Variants in TMEM132B observed in about 807,000 individuals in gnomAD.
The protein encoded by TMEM132B is transmembrane protein 132B.
A neutral mutation model predicts 90.8 loss-of-function variants in TMEM132B; 18 were observed. The ratio of observed to expected loss-of-function variants is 0.20; its 90% CI spans 0.14 to 0.29. The LOEUF (loss-of-function observed/expected upper bound fraction) is 0.29. Ranked by LOEUF, TMEM132B falls within the 10% of genes least tolerant of loss-of-function variation. TMEM132B has a pLI of 1.00. For synonymous variants in TMEM132B, 504 were observed against 523.3 expected (o/e 0.96, Z 0.50); for missense variants, 1,096 against 1,326.8 (o/e 0.83, Z 2.70).
intron 3 of TMEM132B, among the ~76,000 whole-genome samples, chr12:125,480,747 T>G (rs1566048942): frequency 6.6e-6 from 1 of 152,218 alleles, no homozygotes; most frequent in Non-Finnish European, 1.5e-5. Flanking sequence ...GAATCCTCCC[T>G]AACTCATTTT....
At chr12:125,565,184 C>T (rs1358337567) in intron 4 of TMEM132B, among the ~76,000 whole-genome samples, 3 of 152,190 alleles carry the variant, frequency 2.0e-5, no homozygotes, top group Non-Finnish European at 4.4e-5. Flanking sequence ...GCAGGATTTG[C>T]ACCTGAGGCT....
chr12:125,381,198 C>T (rs1172268604), intron 2 of TMEM132B, among the ~76,000 whole-genome samples: 1 of 152,194 alleles, frequency 6.6e-6, no homozygotes, highest in Non-Finnish European at 1.5e-5. Context: ...CACCTTTCAA[C>T]CTGCTGGTGG....
intron 4 of TMEM132B, among the ~76,000 whole-genome samples, chr12:125,536,481 A>G (rs1338822676): frequency 6.6e-6 from 1 of 152,212 alleles, no homozygotes; most frequent in Non-Finnish European, 1.5e-5. Flanking sequence ...TCACTCGCCA[A>G]CACTGCACCA....
chr12:125,531,348 G>T (rs1265217332), intron 4 of TMEM132B, among the ~76,000 whole-genome samples: 1 of 152,048 alleles, frequency 6.6e-6, no homozygotes, highest in Admixed American at 6.5e-5. Context: ...ACAACACCCG[G>T]CTGATTTTTA....
Position 125,661,361 on chromosome 12 carries a change from T to G in TMEM132B, c.*6651T>G, listed in dbSNP as rs1471250102. 2 of 152,242 alleles carry G rather than the reference T, an allele frequency of 1.3e-5. No homozygotes were observed. The highest frequency in any genetic ancestry group is 1.9e-4 in the East Asian group (1 of 5,196). The allele number at this position is 152,242 out of a possible 1,614,324, so 9.4% of individuals were successfully genotyped here. ...CTGAGAAGGAGCACACATCTGGCAC[T>G]GATAAGCACACTGGCCCAGGCACTC... On this transcript the variant is annotated 3_prime_UTR_variant, in exon 9 of 9. Transcript: ENST00000682704.
Position 125,383,198 on chromosome 12 carries a change from T to G in TMEM132B, c.960-32333T>G, listed in dbSNP as rs143011162. The stretch of plus-strand genomic sequence containing the variant: ...GACCCCCAGGGTGCAGCTGCAGGAT[T>G]GCAGTAGAGTGTGAGGCTGACTGTG... On this transcript the variant is annotated intron_variant, in intron 2 of 8. Coordinates refer to ENST00000682704, the MANE Select transcript of TMEM132B (RefSeq NM_001366854.1). Among the ~76,000 whole-genome samples, 65 of 152,316 alleles carry G rather than the reference T, an allele frequency of 4.3e-4. 1 individual carries two copies. The highest frequency in any genetic ancestry group is 1.3e-3 in the African/African-American group (53 of 41,576).
At chr12:125,411,373 G>A (rs57687675) in intron 2 of TMEM132B, among the ~76,000 whole-genome samples, 2 of 146,106 alleles carry the variant, frequency 1.4e-5, no homozygotes, top group African/African-American at 5.0e-5. Flanking sequence ...GGTGGGGGGG[G>A]GCCTAGGGGA....
At chr12:125,501,223 T>C (rs1428042066) in intron 3 of TMEM132B, among the ~76,000 whole-genome samples, 1 of 152,228 alleles carries the variant, frequency 6.6e-6, no homozygotes, top group Non-Finnish European at 1.5e-5. Context: ...CACGTAAATA[T>C]GAATTTCAGA....
chr12:125,355,471 G>A (rs960672167), intron 2 of TMEM132B, among the ~76,000 whole-genome samples: 2 of 152,146 alleles, frequency 1.3e-5, no homozygotes, highest in African/African-American at 2.4e-5. Context: ...AGAAGAGCTG[G>A]GAGTCATTGA....
chr12:125,195,966 C>T (rs1447700259), intron 1 of TMEM132B, among the ~76,000 whole-genome samples: 2 of 152,150 alleles, frequency 1.3e-5, no homozygotes, highest in African/African-American at 2.4e-5. Context: ...TCTAACCAAA[C>T]TAGTCTTTGG....
At chr12:125,254,682 CTTTTTT>C (rs71447039) in intron 1 of TMEM132B, among the ~76,000 whole-genome samples, 3 of 132,346 alleles carry the variant, frequency 2.3e-5, no homozygotes, top group African/African-American at 8.4e-5. Flanking sequence ...CCTCTTCCTA[CTTTTTT>C]TTTTTTTTTT....
chr12:125,505,166 C>CAAAAAAA lies in TMEM132B; in HGVS notation c.1107-14250_1107-14244dup, dbSNP rs71306287. 7.4e-3 allele frequency among the ~76,000 whole-genome samples: 212 copies of CAAAAAAA among 28,566 alleles called. 43 individuals carry two copies. Among genetic ancestry groups the CAAAAAAA allele is most frequent in the Middle Eastern group, 0.021 (1 of 48 alleles). 18.7% of individuals were successfully genotyped at this position (28,566 alleles called of 152,430 possible). A position where few individuals can be genotyped will look rare whatever the true frequency, so the allele number is the denominator to read the frequency against. The stretch of plus-strand genomic sequence containing the variant: ...AAAATGAGACTCACACACCAGAGGA[C>CAAAAAAA]AAAAAAAAAAAAAAAAAAAAAAAAA... On this transcript the variant is annotated intron_variant, in intron 3 of 8. Transcript: ENST00000682704.
At chr12:125,394,573 G>A (rs1379442951) in intron 2 of TMEM132B, among the ~76,000 whole-genome samples, 3 of 152,192 alleles carry the variant, frequency 2.0e-5, no homozygotes, top group Non-Finnish European at 2.9e-5. Flanking sequence ...GGGGACAAGA[G>A]AAGTCATTAG....
At chr12:125,187,958 A>G (rs546133456) in intron 1 of TMEM132B, among the ~76,000 whole-genome samples, 2 of 152,212 alleles carry the variant, frequency 1.3e-5, no homozygotes, top group South Asian at 4.2e-4. Flanking sequence ...TTAACAAACA[A>G]ATCGCACAGA....
At chr12:125,511,330 G>A (rs934728830) in intron 3 of TMEM132B, among the ~76,000 whole-genome samples, 1 of 152,088 alleles carries the variant, frequency 6.6e-6, no homozygotes, top group African/African-American at 2.4e-5. Context: ...TTCACCTTTT[G>A]GGGGGGATGA....
rs1555235580 is a variant in TMEM132B, at chr12:125,277,502, A to AACACATACACACACAC, written c.68-71945_68-71944insTACACACACACACACA. 7.0e-6 allele frequency among the ~76,000 whole-genome samples: 1 copy of AACACATACACACACAC among 143,112 alleles called. No homozygotes were observed. Among genetic ancestry groups the AACACATACACACACAC allele is most frequent in the Non-Finnish European group, 1.5e-5 (1 of 66,366 alleles). The allele number at this position is 143,112 out of a possible 152,430, so 93.9% of individuals were successfully genotyped here. On this transcript the variant is annotated intron_variant, in intron 1 of 8. Transcript: ENST00000682704. The surrounding 1 kb of genome is among the most constrained non-coding windows in gnomAD (Gnocchi z 4.3). ...TCAAAAAAAAAAGATGAAGAGGGAG[A>AACACATACACACACAC]ACACACACACACACACACACACACA...
At chr12:125,275,203 C>A (rs781615681) in intron 1 of TMEM132B, among the ~76,000 whole-genome samples, 1 of 152,170 alleles carries the variant, frequency 6.6e-6, no homozygotes, top group Non-Finnish European at 1.5e-5. Flanking sequence ...ACAGCTCACT[C>A]CAGATTCTGA....
chr12:125,588,075 G>A (rs1885222002), intron 5 of TMEM132B: 1 of 152,110 alleles, frequency 6.6e-6, no homozygotes, highest in Non-Finnish European at 1.5e-5. Flanking sequence ...AAGTTGAAAG[G>A]TACCAGTTTT....
Position 125,445,460 on chromosome 12 carries a change from C to G in TMEM132B, c.1106+29783C>G, listed in dbSNP as rs1193054146. On this transcript the variant is annotated intron_variant, in intron 3 of 8. Coordinates refer to ENST00000682704, the MANE Select transcript of TMEM132B (RefSeq NM_001366854.1). This position sits in a 1 kb window ranked among gnomAD's most constrained non-coding sequence, Gnocchi z 4.3. ...GGGCCAAAGTCTAAGCCTTTCTTCTCTGCAGTGAGTACGGTATTTAAGCTT... is the reference window on the plus strand; with the variant it reads ...GGGCCAAAGTCTAAGCCTTTCTTCTGTGCAGTGAGTACGGTATTTAAGCTT... Among the ~76,000 whole-genome samples the G allele has an allele frequency of 6.6e-6, 1 of 152,252 alleles. No individual in the cohort carries two copies. The highest frequency in any genetic ancestry group is 2.4e-5 in the African/African-American group (1 of 41,470).
Sources: allele counts gnomAD v4.1 joint callset (sites outside exome capture counted in the v4.1 genomes callset), GRCh38; gene constraint gnomAD v4.1.1; non-coding constraint Gnocchi (gnomAD v3.1); transcripts MANE v1.5; gene names NCBI Gene and HGNC (gene_info 2026-07-23, HGNC 2026-07-21).